SPATA13: variants seen among roughly 807,000 people sequenced by gnomAD.
SPATA13 encodes the protein spermatogenesis associated 13.
SPATA13 carries 50 observed loss-of-function variants against 104.0 expected under a neutral mutation model. The observed-to-expected ratio is 0.48, with a 90% CI of 0.38 to 0.61. SPATA13 has a LOEUF of 0.61. SPATA13 is among the 20% of genes least tolerant of loss of function. The pLI is 0.00. For synonymous variants in SPATA13, 606 were observed against 667.5 expected (o/e 0.91, Z 1.42); for missense variants, 1,524 against 1,690.6 (o/e 0.90, Z 1.73).
intron 3 of SPATA13, among the ~76,000 whole-genome samples, chr13:24,127,036 A>G (rs1881240253): frequency 6.6e-6 from 1 of 152,112 alleles, no homozygotes; most frequent in Admixed American, 6.6e-5. Context: ...ACCAGTTCCG[A>G]GGTTTGTATA....
At position 24,284,158 on chromosome 13, in the gene SPATA13, C is replaced by T; in HGVS notation, c.2188C>T (p.Pro730Ser). Residue 730 changes from proline (P) to serine (S), a missense_variant, in exon 5 of 13, where the codon CCC (proline) becomes TCC (serine). Physicochemically the swap from Pro to Ser is moderately conservative, Grantham distance 74 (BLOSUM62 -1). This residue lies in a region of SPATA13 where 1,089 missense variants were observed against 1,135.9 expected (regional missense o/e 0.96). Coordinates refer to ENST00000382108, the MANE Select transcript of SPATA13 (RefSeq NM_001166271.3). The stretch of plus-strand genomic sequence containing the variant: ...AGTTTCTTCAGATGGAGGTACTGAG[C>T]CCTCTGCCTTAGTGGATGACAACGG... ...SNVSSDGGTE[P>S]SALVDDNGSE... 6.2e-7 allele frequency: 1 copy of T among 1,613,520 alleles called. No homozygotes were observed. The highest frequency in any genetic ancestry group is 8.5e-7 in the Non-Finnish European group (1 of 1,179,684).
intron 12 of SPATA13, 135 bp downstream of exon 12, chr13:24,300,610 C>A: frequency 2.6e-6 from 2 of 766,242 alleles, no homozygotes; most frequent in Non-Finnish European, 4.5e-6. Flanking sequence ...AAGGGCAGGT[C>A]CAGAACAGGG....
intron 1 of SPATA13, among the ~76,000 whole-genome samples, chr13:24,208,825 C>T (rs7326088): frequency 0.68 from 102,783 of 152,090 alleles, 34,996 homozygotes; most frequent in South Asian, 0.83. Flanking sequence ...CAGAAATTAC[C>T]GCACTTGGTT....
intron 3 of SPATA13, among the ~76,000 whole-genome samples, chr13:24,114,515 ATCT>A (rs1880768299): frequency 2.0e-5 from 3 of 152,100 alleles, no homozygotes; most frequent in Admixed American, 2.0e-4. Context: ...TTCTCTTGGC[ATCT>A]CAGGCTGTCA....
intron 2 of SPATA13, among the ~76,000 whole-genome samples, chr13:24,245,592 T>C (rs1442785070): frequency 1.4e-5 from 2 of 145,346 alleles, no homozygotes; most frequent in African/African-American, 2.5e-5. Flanking sequence ...TTCTTTTTTT[T>C]TTTTTTTTTT....
At position 24,302,761 on chromosome 13, in the gene SPATA13, C is replaced by T. The variant is rs1877297819; in HGVS notation, c.3822C>T (p.Pro1274=). The change falls in exon 13 of 13, where the codon CCC becomes CCT. Residue 1274 remains proline (P), a synonymous_variant. Transcript: ENST00000382108. ...LFWHTFNRLT[P]FRK is the part of the protein sequence containing the mutation. ...GGCACACCTTCAACAGGCTCACCCCCTTCCGGAAATGAAAACAGGAGGCTG... is the reference window on the plus strand; with the variant it reads ...GGCACACCTTCAACAGGCTCACCCCTTTCCGGAAATGAAAACAGGAGGCTG... 1 of 1,614,212 alleles carries T rather than the reference C, an allele frequency of 6.2e-7. No individual in the cohort carries two copies. Among genetic ancestry groups the T allele is most frequent in the Non-Finnish European group, 8.5e-7 (1 of 1,180,048 alleles).
chr13:24,236,184 T>A (rs1488154341), intron 2 of SPATA13, among the ~76,000 whole-genome samples: 1 of 152,196 alleles, frequency 6.6e-6, no homozygotes, highest in African/African-American at 2.4e-5. Flanking sequence ...CCTCATCTCT[T>A]GAGGAATCAC....
intron 1 of SPATA13, among the ~76,000 whole-genome samples, chr13:24,203,021 G>C (rs553689291): frequency 6.6e-6 from 1 of 152,082 alleles, no homozygotes; most frequent in African/African-American, 2.4e-5. Flanking sequence ...GGATGTGCAG[G>C]TTTGTTACAT....
chr13:24,025,727 A>T (rs1027900672), intron 3 of SPATA13, among the ~76,000 whole-genome samples: 36 of 152,280 alleles, frequency 2.4e-4, no homozygotes, highest in African/African-American at 8.4e-4. Flanking sequence ...GAATTTGAGC[A>T]TCTTTTCATA....
chr13:24,255,000 G>A (rs1453570937), intron 4 of SPATA13, among the ~76,000 whole-genome samples: 2 of 152,134 alleles, frequency 1.3e-5, no homozygotes, highest in Admixed American at 6.5e-5. Context: ...GAGGTAGCCA[G>A]TTATACTCCT....
upstream of SPATA13, among the ~76,000 whole-genome samples, chr13:24,159,158 A>AT (rs1882360184): frequency 1.3e-5 from 2 of 152,132 alleles, no homozygotes; most frequent in Non-Finnish European, 2.9e-5. Context: ...ACTAACATAG[A>AT]TTTCATTTTA....
At chr13:24,290,966 G>A (rs1435183141) in intron 9 of SPATA13, 82 bp downstream of exon 9, 2 of 1,102,088 alleles carry the variant, frequency 1.8e-6, no homozygotes, top group Non-Finnish European at 2.6e-6. Context: ...GCAGTGATAG[G>A]TGGGCTTCAG....
intron 4 of SPATA13, among the ~76,000 whole-genome samples, chr13:24,267,841 C>A (rs560839489): frequency 1.3e-5 from 2 of 152,376 alleles, no homozygotes; most frequent in Non-Finnish European, 2.9e-5. Context: ...GATTTTGCCT[C>A]ATGGCAGTGC....
chr13:24,299,230 A>G (rs552143984), intron 11 of SPATA13, among the ~76,000 whole-genome samples: 1 of 152,260 alleles, frequency 6.6e-6, no homozygotes, highest in South Asian at 2.1e-4. Flanking sequence ...GGGGCATCCT[A>G]TGTGCTTTCA....
intron 3 of SPATA13, among the ~76,000 whole-genome samples, chr13:24,022,053 T>TC (rs1204291706): frequency 6.4e-5 from 9 of 139,988 alleles, no homozygotes; most frequent in African/African-American, 2.3e-4. Flanking sequence ...TTTTCTTTCT[T>TC]TTTTTTTTTT....
intron 3 of SPATA13, among the ~76,000 whole-genome samples, chr13:24,150,626 G>C (rs984964410): frequency 6.6e-6 from 1 of 152,148 alleles, no homozygotes; most frequent in Non-Finnish European, 1.5e-5. Flanking sequence ...CAGTAGGCTG[G>C]AGACTCAGGT....
At chr13:24,002,233 C>T (rs570670843) in intron 2 of SPATA13, among the ~76,000 whole-genome samples, 3 of 152,242 alleles carry the variant, frequency 2.0e-5, no homozygotes, top group African/African-American at 7.2e-5. Context: ...TATTCAATAG[C>T]TCACTGTAAC....
At chr13:24,214,962 CATT>C (rs1871200917) in intron 1 of SPATA13, among the ~76,000 whole-genome samples, 1 of 152,208 alleles carries the variant, frequency 6.6e-6, no homozygotes, top group African/African-American at 2.4e-5. Context: ...ATATTTAAAA[CATT>C]ATTAAGCTGT....
At chr13:24,081,020 A>G (rs1236695445) in intron 3 of SPATA13, among the ~76,000 whole-genome samples, 1 of 152,216 alleles carries the variant, frequency 6.6e-6, no homozygotes, top group East Asian at 1.9e-4. Context: ...GGAGGAAAAT[A>G]CCTGCATGAA....
Sources: allele counts gnomAD v4.1 joint callset (sites outside exome capture counted in the v4.1 genomes callset), GRCh38; gene constraint gnomAD v4.1.1; regional missense constraint gnomAD v4.1.1; transcripts MANE v1.5; gene names NCBI Gene and HGNC (gene_info 2026-07-23, HGNC 2026-07-21).